CDYL: variants seen among roughly 807,000 people sequenced by gnomAD.
The protein encoded by CDYL is chromodomain Y like.
Under a neutral mutation model 47.3 loss-of-function variants are expected in CDYL, and 8 were observed. The observed-to-expected ratio is 0.17, with a 90% CI of 0.10 to 0.31. The LOEUF (loss-of-function observed/expected upper bound fraction) is 0.31. Among genes scored for constraint, CDYL ranks in the 10% least tolerant of loss-of-function variants. The pLI is 1.00. For missense variants in CDYL, 471 were observed against 701.4 expected (o/e 0.67, Z 3.71); for synonymous variants, 266 against 265.0 (o/e 1.00, Z -0.04).
At position 4,782,763 on chromosome 6, in the gene CDYL, C is replaced by T. The variant is rs897430324; in HGVS notation, c.24+5956C>T. ...CCAAAGCAAGTATTAAAAACTGCAT[C>T]GAGACCTTTGAACTAAGACTTATCT... On this transcript the variant is annotated intron_variant, in intron 1 of 6. Coordinates refer to ENST00000397588, the MANE Select transcript of CDYL (RefSeq NM_004824.4). Among the ~76,000 whole-genome samples the T allele has an allele frequency of 7.2e-5, 11 of 152,176 alleles. No individual in the cohort carries two copies. In the East Asian group the frequency reaches 9.6e-4, roughly 13 times the overall value.
At chr6:4,886,868 A>G (rs1761913762) in intron 1 of CDYL, among the ~76,000 whole-genome samples, 1 of 151,942 alleles carries the variant, frequency 6.6e-6, no homozygotes, top group Admixed American at 6.6e-5. Flanking sequence ...TGACCAACTT[A>G]ATGTGTGGTA....
intron 1 of CDYL, among the ~76,000 whole-genome samples, chr6:4,847,544 A>G (rs1760699345): frequency 6.6e-6 from 1 of 152,208 alleles, no homozygotes; most frequent in Admixed American, 6.5e-5. Flanking sequence ...GAGTGATGGT[A>G]TAAGATTCAA....
upstream of CDYL, among the ~76,000 whole-genome samples, chr6:4,776,048 G>T (rs867917194): frequency 4.0e-5 from 6 of 150,528 alleles, no homozygotes; most frequent in Middle Eastern, 3.4e-3. Context: ...GGTCCCGCCT[G>T]CCCTGGGCCG....
intron 1 of CDYL, among the ~76,000 whole-genome samples, chr6:4,778,257 A>T (rs2127428951): frequency 6.6e-6 from 1 of 152,288 alleles, no homozygotes; most frequent in Admixed American, 6.5e-5. Context: ...TTGGTTGTTT[A>T]GTCATGAGTG....
rs114181299 is a variant in CDYL at position 4,791,867 on chromosome 6, A to G, written c.24+15060A>G. 7.8e-3 allele frequency among the ~76,000 whole-genome samples: 1,177 copies of G among 150,146 alleles called. 16 individuals are homozygous for G. Among genetic ancestry groups the G allele is most frequent in the African/African-American group, 0.028 (1,136 of 40,276 alleles). ...TAGTAGAAGATAAATATAAGTTAAT[A>G]GGAAGGAATTGTAGAATTTTTTTTT... is the stretch of plus-strand genomic sequence containing the variant. On this transcript the variant is annotated intron_variant, in intron 1 of 6. Coordinates refer to ENST00000397588, the MANE Select transcript of CDYL (RefSeq NM_004824.4).
At chr6:4,930,274 A>G (rs975294307) in intron 2 of CDYL, among the ~76,000 whole-genome samples, 1 of 152,208 alleles carries the variant, frequency 6.6e-6, no homozygotes. Context: ...GCATGCTCAG[A>G]TTGGTTCAGC....
At chr6:4,950,762 AC>A (rs1758675407) in intron 5 of CDYL, among the ~76,000 whole-genome samples, 2 of 151,832 alleles carry the variant, frequency 1.3e-5, no homozygotes, top group South Asian at 4.2e-4. Context: ...CCCCGTCTCT[AC>A]CAAAAAATAC....
intron 1 of CDYL, among the ~76,000 whole-genome samples, chr6:4,884,380 C>T (rs1761845671): frequency 6.6e-6 from 1 of 152,110 alleles, no homozygotes; most frequent in South Asian, 2.1e-4. Flanking sequence ...TTGATAGCAG[C>T]TTTTATTAGA....
rs529202273 is a variant in CDYL at position 4,840,390 on chromosome 6, CCTTT to C, written c.25-51310_25-51307del. Among the ~76,000 whole-genome samples the C allele has an allele frequency of 4.2e-3, 635 of 152,074 alleles. 1 individual carries two copies. The highest frequency in any genetic ancestry group is 0.014 in the African/African-American group (584 of 41,482). ...ACTTCCTCTTTACTGATTTGGATGGCCTTTCTTTCTTTCTTTTGTTTGATTGCTC... is the reference window on the plus strand; with the variant it reads ...ACTTCCTCTTTACTGATTTGGATGGCCTTTCTTTCTTTTGTTTGATTGCTC... On this transcript the variant is annotated intron_variant, in intron 1 of 6. Transcript: ENST00000397588.
At chr6:4,829,901 C>G (rs917977199) in intron 1 of CDYL, among the ~76,000 whole-genome samples, 1 of 152,220 alleles carries the variant, frequency 6.6e-6, no homozygotes, top group Non-Finnish European at 1.5e-5. Context: ...ACAGCAAGTA[C>G]AAGTAAAAAT....
At chr6:4,902,742 A>G (rs1228121367) in intron 2 of CDYL, among the ~76,000 whole-genome samples, 1 of 146,944 alleles carries the variant, frequency 6.8e-6, no homozygotes, top group Non-Finnish European at 1.5e-5. Flanking sequence ...AGAAGGTGCC[A>G]GGGAGTCCAA....
chr6:4,853,177 T>C (rs796756432), intron 1 of CDYL, among the ~76,000 whole-genome samples: 1 of 152,220 alleles, frequency 6.6e-6, no homozygotes, highest in Admixed American at 6.5e-5. Flanking sequence ...CACCTTATAC[T>C]TCCTCATGCA....
At chr6:4,718,211 A>C (rs945276135) in intron 2 of CDYL, among the ~76,000 whole-genome samples, 1 of 152,004 alleles carries the variant, frequency 6.6e-6, no homozygotes, top group Non-Finnish European at 1.5e-5. Context: ...CCAGGAAATA[A>C]TTTATTATTT....
At chr6:4,847,745 C>T (rs1760705714) in intron 1 of CDYL, among the ~76,000 whole-genome samples, 1 of 152,152 alleles carries the variant, frequency 6.6e-6, no homozygotes, top group African/African-American at 2.4e-5. Context: ...GCAAAAATGC[C>T]TCCTAAACAT....
At chr6:4,718,581 A>G (rs1054235646) in intron 2 of CDYL, 2 of 152,054 alleles carry the variant, frequency 1.3e-5, no homozygotes, top group African/African-American at 4.8e-5. Flanking sequence ...CTCGGCCCCC[A>G]TGGTTTCCTT....
At chr6:4,815,672 AC>A (rs890760172) in intron 1 of CDYL, among the ~76,000 whole-genome samples, 1 of 119,630 alleles carries the variant, frequency 8.4e-6, no homozygotes, top group African/African-American at 3.6e-5. Flanking sequence ...GTGAGATTTC[AC>A]TTTTTTTTTT....
intron 1 of CDYL, among the ~76,000 whole-genome samples, chr6:4,710,247 T>C (rs1436474769): frequency 2.0e-5 from 3 of 151,920 alleles, no homozygotes; most frequent in Non-Finnish European, 2.9e-5. Context: ...AACAAATCTC[T>C]TTATGTTCAT....
chr6:4,827,144 A>G lies in CDYL; in HGVS notation c.24+50337A>G, dbSNP rs74787194. On this transcript the variant is annotated intron_variant, in intron 1 of 6. Coordinates refer to ENST00000397588, the MANE Select transcript of CDYL (RefSeq NM_004824.4). ...CAGCTTTCTCTTGCTTACTATTTAC[A>G]TTTAATATATTTTTTACTACTTTCC... Among the ~76,000 whole-genome samples, 106 of 152,240 alleles carry G rather than the reference A, an allele frequency of 7.0e-4. No homozygotes were observed. The East Asian group carries it at 0.018, about 27-fold the overall frequency.
rs1342878630 is a variant in CDYL, at chr6:4,937,607, G to A, written c.991G>A (p.Asp331Asn). The A allele has an allele frequency of 2.5e-6, 4 of 1,601,080 alleles. No homozygotes were observed. The highest frequency in any genetic ancestry group is 2.6e-6 in the Non-Finnish European group (3 of 1,174,972). ...GAGTGCTCTGAGCACGGCCGCTGCC[G>A]ATGACAGCAAGCTGGTACTGCTCAG... Reference protein sequence around the residue: ...VQSALSTAAADDSKLVLLSAV... With the variant: ...VQSALSTAAANDSKLVLLSAV... The change falls in exon 4 of 7, where the codon GAT becomes AAT. Residue 331 changes from aspartate to asparagine, a missense_variant. Asp to Asn is a conservative substitution (Grantham distance 23). Around this residue, in one of 3 missense-constraint regions of CDYL, gnomAD observed 103 missense variants for 277.1 expected, o/e 0.37. Coordinates refer to ENST00000397588, the MANE Select transcript of CDYL (RefSeq NM_004824.4).
Sources: gnomAD v4.1 joint callset for allele counts (sites outside exome capture counted in the v4.1 genomes callset) on GRCh38, gnomAD v4.1.1 for gene constraint, gnomAD v4.1.1 regional missense constraint, MANE v1.5 for transcripts, NCBI Gene and HGNC (gene_info 2026-07-23, HGNC 2026-07-21) for gene names.